CTBP2: variants seen among roughly 807,000 people sequenced by gnomAD.
The protein encoded by CTBP2 is C-terminal-binding protein 2.
Under a neutral mutation model 80.3 loss-of-function variants are expected in CTBP2, and 30 were observed. That is an observed-to-expected ratio of 0.37 (90% CI 0.28 to 0.51). The LOEUF is 0.51. Among genes scored for constraint, CTBP2 ranks in the 20% least tolerant of loss-of-function variants. The probability of loss-of-function intolerance (pLI) is 0.93; values close to 1 mark genes in which losing one functional copy is unlikely to be tolerated. For synonymous variants in CTBP2, 594 were observed against 587.4 expected (o/e 1.01, Z -0.16); for missense variants, 1,212 against 1,375.3 (o/e 0.88, Z 1.88).
At chr10:125,078,297 A>C (rs1266120277) in intron 2 of CTBP2, among the ~76,000 whole-genome samples, 1 of 150,958 alleles carries the variant, frequency 6.6e-6, no homozygotes, top group Non-Finnish European at 1.5e-5. Context: ...AAAAAAAAAA[A>C]AAACCTTTCT....
chr10:125,102,171 A>C (rs1368371776), intron 2 of CTBP2, among the ~76,000 whole-genome samples: 2 of 152,212 alleles, frequency 1.3e-5, no homozygotes, highest in Non-Finnish European at 2.9e-5. Context: ...CTAGGCTCAG[A>C]GGGGCATAGT....
At position 124,987,141 on chromosome 10, in the gene CTBP2, A is replaced by G. The variant is rs1366236210; in HGVS notation, c.*2377T>C. The stretch of plus-strand genomic sequence containing the variant: ...AAAGGCCAAAAATTTTGGTAAATCA[A>G]TGCTATATTATGCTCTTGAACTATT... On this transcript the variant is annotated 3_prime_UTR_variant, in exon 9 of 9. Transcript: ENST00000309035. The G allele has an allele frequency of 2.0e-5, 3 of 152,586 alleles. No homozygotes were observed. The highest frequency in any genetic ancestry group is 7.2e-5 in the African/African-American group (3 of 41,416). The allele number at this position is 152,586 out of a possible 1,614,324, so 9.5% of individuals were successfully genotyped here. A position where few individuals can be genotyped will look rare whatever the true frequency, so the allele number is the denominator to read the frequency against.
chr10:125,150,029 T>C (rs1859543650), intron 1 of CTBP2, among the ~76,000 whole-genome samples: 1 of 152,016 alleles, frequency 6.6e-6, no homozygotes, highest in East Asian at 1.9e-4. Flanking sequence ...TTCACAGGAG[T>C]GGTGCAAACA....
intron 2 of CTBP2, among the ~76,000 whole-genome samples, chr10:125,109,398 T>C (rs1366251720): frequency 6.6e-6 from 1 of 152,186 alleles, no homozygotes; most frequent in Admixed American, 6.5e-5. Flanking sequence ...ACTGGAACTA[T>C]CTTTGCCAAC....
At chr10:125,102,051 A>G (rs1161966147) in intron 2 of CTBP2, among the ~76,000 whole-genome samples, 1 of 152,058 alleles carries the variant, frequency 6.6e-6, no homozygotes, top group Admixed American at 6.5e-5. Flanking sequence ...AGCTCTTAAC[A>G]TGTACCAGGT....
chr10:124,984,415 A>G lies in CTBP2; in HGVS notation c.*5103T>C, dbSNP rs6597870. On this transcript the variant is annotated 3_prime_UTR_variant, in exon 9 of 9. Transcript: ENST00000309035. ...AAAAAGTTCATAGACCGTAACTTGT[A>G]TAATTTCAGCTTGTACATAATTGAC... The G allele has an allele frequency of 0.87, 167,280 of 191,980 alleles. 73,138 individuals carry two copies. The highest frequency in any genetic ancestry group is 0.96 in the East Asian group (7,389 of 7,664). 11.9% of individuals were successfully genotyped at this position (191,980 alleles called of 1,614,324 possible).
At chr10:125,103,478 A>C (rs922419302) in intron 2 of CTBP2, among the ~76,000 whole-genome samples, 1 of 152,166 alleles carries the variant, frequency 6.6e-6, no homozygotes, top group Admixed American at 6.5e-5. Context: ...TGATACAGGA[A>C]TCAGAAGGCT....
intron 2 of CTBP2, among the ~76,000 whole-genome samples, chr10:125,098,730 G>C (rs1590760909): frequency 5.4e-4 from 68 of 126,864 alleles, no homozygotes; most frequent in African/African-American, 1.7e-3. Flanking sequence ...GAGACAGAGA[G>C]AGAGAGAGAG....
At chr10:125,064,685 CAG>C (rs1844359537) in intron 2 of CTBP2, among the ~76,000 whole-genome samples, 1 of 152,214 alleles carries the variant, frequency 6.6e-6, no homozygotes, top group Non-Finnish European at 1.5e-5. Context: ...TCAAAAAAGG[CAG>C]AGAGGTGACT....
At chr10:125,109,670 C>T (rs1191379473) in intron 2 of CTBP2, among the ~76,000 whole-genome samples, 3 of 152,212 alleles carry the variant, frequency 2.0e-5, no homozygotes, top group South Asian at 2.1e-4. Context: ...CAACTCAACT[C>T]GAGCTTCACG....
chr10:125,107,203 C>T (rs895050984), intron 2 of CTBP2, among the ~76,000 whole-genome samples: 3 of 152,232 alleles, frequency 2.0e-5, no homozygotes, highest in African/African-American at 7.2e-5. Flanking sequence ...TCCCCACTGC[C>T]CCATCTCAGC....
At chr10:125,162,436 T>A (rs1861951080), upstream of CTBP2, 1 of 152,304 alleles carries the variant, frequency 6.6e-6, no homozygotes, top group Non-Finnish European at 1.5e-5. Context: ...ATTTCTTAAA[T>A]CCTGCCCCAG....
intron 1 of CTBP2, among the ~76,000 whole-genome samples, chr10:125,024,964 G>A (rs1251171170): frequency 6.6e-6 from 1 of 152,154 alleles, no homozygotes; most frequent in East Asian, 1.9e-4. Context: ...ATGCCTGGAG[G>A]TCATCTCTAG....
intron 1 of CTBP2, among the ~76,000 whole-genome samples, chr10:125,012,783 T>G (rs932538369): frequency 1.3e-5 from 2 of 152,150 alleles, no homozygotes; most frequent in Admixed American, 6.5e-5. Context: ...TTTCACCAAG[T>G]TGGCCAAGCA....
At chr10:125,003,130 G>T in intron 2 of CTBP2, 26 bp from the exon 5 acceptor site, 1 of 1,613,172 alleles carries the variant, frequency 6.2e-7, no homozygotes, top group Non-Finnish European at 8.5e-7. Context: ...GCACAGGGTC[G>T]GAGCCCCACC....
At chr10:125,108,228 A>T (rs1298681296) in intron 2 of CTBP2, among the ~76,000 whole-genome samples, 1 of 152,234 alleles carries the variant, frequency 6.6e-6, no homozygotes, top group Admixed American at 6.5e-5. Context: ...AGAAGGCTGA[A>T]GTGTTTGACG....
chr10:125,087,965 C>T (rs568094391), intron 2 of CTBP2, among the ~76,000 whole-genome samples: 8 of 152,300 alleles, frequency 5.3e-5, no homozygotes, highest in Admixed American at 1.3e-4. Flanking sequence ...TCAGCAGCCT[C>T]GGGTGCCTGA....
chr10:125,092,841 G>C (rs1394835368), intron 2 of CTBP2, among the ~76,000 whole-genome samples: 1 of 152,148 alleles, frequency 6.6e-6, no homozygotes, highest in Non-Finnish European at 1.5e-5. Context: ...TACCACATGA[G>C]AGCGACACCC....
At chr10:125,057,222 G>A (rs1200830682) in intron 2 of CTBP2, among the ~76,000 whole-genome samples, 1 of 152,214 alleles carries the variant, frequency 6.6e-6, no homozygotes. Context: ...CGAGTAGAGA[G>A]GCCCTAATGA....
Sources: gnomAD v4.1 joint callset for allele counts (sites outside exome capture counted in the v4.1 genomes callset) on GRCh38, gnomAD v4.1.1 for gene constraint, MANE v1.5 for transcripts, NCBI Gene and HGNC (gene_info 2026-07-23, HGNC 2026-07-21) for gene names.